TF: variants seen among roughly 807,000 people sequenced by gnomAD.
The protein encoded by TF is transferrin, also known as serotransferrin.
In TF, 55 loss-of-function variants were observed where a neutral mutation model predicts 82.4. That is an observed-to-expected ratio of 0.67 (90% CI 0.54 to 0.84). TF has a LOEUF of 0.84. Among genes scored for constraint, TF ranks in the 40% least tolerant of loss-of-function variants. The pLI, the probability that TF is intolerant of heterozygous loss-of-function variation, is 0.00. For missense variants in TF, 737 were observed against 868.4 expected (o/e 0.85, Z 1.90); for synonymous variants, 332 against 332.6 (o/e 1.00, Z 0.02).
chr3:133,696,131 T>C, the TF span, among the ~76,000 whole-genome samples: 107 of 152,234 alleles, frequency 7.0e-4, no homozygotes, highest in African/African-American at 2.3e-3. Context: ...ATTGTTATAA[T>C]TGTTCAATTT....
chr3:133,677,377 G>T, the TF span, among the ~76,000 whole-genome samples: 2 of 152,160 alleles, frequency 1.3e-5, no homozygotes, highest in Non-Finnish European at 2.9e-5. Context: ...GGTGGCTCAC[G>T]CCTGCAATCC....
the TF span, among the ~76,000 whole-genome samples, chr3:133,696,749 G>T: frequency 6.7e-6 from 1 of 149,900 alleles, no homozygotes; most frequent in East Asian, 1.9e-4. Flanking sequence ...ATTTAAATCT[G>T]TTTCAAAAGC....
At chr3:133,710,457 C>G in the TF span, among the ~76,000 whole-genome samples, 4 of 152,178 alleles carry the variant, frequency 2.6e-5, no homozygotes, top group East Asian at 1.9e-4. Flanking sequence ...CCACATTTCC[C>G]GGTGATTCTC....
chr3:133,748,236 C>A, intron 1 of TF, 176 bp from the exon 2 acceptor site: 2 of 840,000 alleles, frequency 2.4e-6, no homozygotes, highest in South Asian at 1.6e-5. Flanking sequence ...TTAGGGCAAC[C>A]TTCTATTGGC....
At chr3:133,670,524 G>A in the TF span, among the ~76,000 whole-genome samples, 10 of 152,226 alleles carry the variant, frequency 6.6e-5, no homozygotes, top group African/African-American at 1.7e-4. Flanking sequence ...ATCTAGGGTC[G>A]GGGGCACAGT....
At chr3:133,736,723 G>GAGT in the TF span, among the ~76,000 whole-genome samples, 1 of 144,630 alleles carries the variant, frequency 6.9e-6, no homozygotes, top group African/African-American at 2.6e-5. Flanking sequence ...AGACAAAGAA[G>GAGT]AGTATTACAT....
At chr3:133,689,317 C>A in the TF span, among the ~76,000 whole-genome samples, 1 of 151,952 alleles carries the variant, frequency 6.6e-6, no homozygotes, top group Middle Eastern at 3.2e-3. Context: ...GAGCGAGACT[C>A]TGCGTCAAAA....
intron 2 of TF, among the ~76,000 whole-genome samples, chr3:133,752,701 C>T (rs1045745268): frequency 5.9e-5 from 9 of 152,142 alleles, no homozygotes; most frequent in East Asian, 1.9e-4. Flanking sequence ...GAAATAAACC[C>T]GGAATGTCTG....
chr3:133,762,125 T>C (rs1287074538), intron 9 of TF: 2 of 215,316 alleles, frequency 9.3e-6, no homozygotes, highest in East Asian at 1.1e-4. Context: ...TGATCGATCA[T>C]AAAAAGGACC....
intron 2 of TF, among the ~76,000 whole-genome samples, chr3:133,752,681 G>A (rs1278608582): frequency 6.6e-6 from 1 of 152,200 alleles, no homozygotes; most frequent in Admixed American, 6.5e-5. Context: ...AAGTAACAGT[G>A]TAATGATAAG....
chr3:133,793,667 A>G lies in TF; in HGVS notation c.*15047A>G, dbSNP rs1435271865. Reference sequence around the variant, plus strand: ...CAGAAATAACCAAATTTCCTTGTCAATTGTGTTTTTAACTATAACTATTTA... The same window carrying G: ...CAGAAATAACCAAATTTCCTTGTCAGTTGTGTTTTTAACTATAACTATTTA... On this transcript the variant is annotated 3_prime_UTR_variant, in exon 17 of 17. Transcript: ENST00000402696. The G allele has an allele frequency of 6.6e-6, 1 of 152,098 alleles. No homozygotes were observed. Among genetic ancestry groups the G allele is most frequent in the Non-Finnish European group, 1.5e-5 (1 of 67,974 alleles). The allele number at this position is 152,098 out of a possible 1,614,324, so 9.4% of individuals were successfully genotyped here. A position where few individuals can be genotyped will look rare whatever the true frequency, so the allele number is the denominator to read the frequency against.
the TF span, among the ~76,000 whole-genome samples, chr3:133,693,272 T>A: frequency 6.6e-6 from 1 of 152,266 alleles, no homozygotes; most frequent in South Asian, 2.1e-4. Flanking sequence ...GACACACTAT[T>A]GGCACCCAGG....
Position 133,755,723 on chromosome 3 carries a change from T to C in TF, c.635+228T>C. The C allele has an allele frequency of 8.3e-6, 5 of 602,032 alleles. No individual in the cohort carries two copies. In the South Asian group the frequency reaches 9.6e-5, roughly 12 times the overall value. The allele number at this position is 602,032 out of a possible 1,614,324, so 37.3% of individuals were successfully genotyped here. A position where few individuals can be genotyped will look rare whatever the true frequency, so the allele number is the denominator to read the frequency against. ...GGTCCTTTTCCTGGGGACCCTTCCT[T>C]TCTCCCCAGAGCCCTCAAGCCTGGT... On this transcript the variant is annotated intron_variant, in intron 5 of 16. Coordinates refer to ENST00000402696, the MANE Select transcript of TF (RefSeq NM_001063.4).
intron 14 of TF, chr3:133,770,893 C>T (rs1298053396): frequency 2.4e-6 from 1 of 419,422 alleles, no homozygotes; most frequent in African/African-American, 2.0e-5. Context: ...GTATGATTAC[C>T]AAGATCAGGA....
In TF at chr3:133,772,180, A is replaced by G. The variant is rs188055509; in HGVS notation, c.1687+1608A>G. Among the ~76,000 whole-genome samples the G allele has an allele frequency of 2.0e-3, 306 of 152,354 alleles. 1 individual carries two copies. Among genetic ancestry groups the G allele is most frequent in the African/African-American group, 7.0e-3 (293 of 41,578 alleles). ...ATATTCCCAGAACCTAGTGTAGCAC[A>G]TAGTACACAGCAGTTGCTAAGAATT... On this transcript the variant is annotated intron_variant, in intron 14 of 16. Transcript: ENST00000402696.
chr3:133,705,618 C>T, the TF span, among the ~76,000 whole-genome samples: 1 of 152,118 alleles, frequency 6.6e-6, no homozygotes, highest in Non-Finnish European at 1.5e-5. Flanking sequence ...CCACTGATAC[C>T]CAATGATACC....
chr3:133,748,665 C>T (rs1376415907), intron 2 of TF, 81 bp downstream of exon 2: 4 of 1,537,456 alleles, frequency 2.6e-6, no homozygotes, highest in Non-Finnish European at 3.5e-6. Flanking sequence ...ATTCTTTACT[C>T]ACAGGTAGGA....
chr3:133,743,217 C>G (rs532063014), upstream of TF, among the ~76,000 whole-genome samples: 6 of 152,262 alleles, frequency 3.9e-5, no homozygotes, highest in Admixed American at 3.9e-4. Flanking sequence ...TGCATGGCTG[C>G]CCCAATGATC....
intron 13 of TF, among the ~76,000 whole-genome samples, chr3:133,769,150 C>G (rs962116567): frequency 1.4e-4 from 22 of 152,148 alleles, no homozygotes; most frequent in Non-Finnish European, 2.8e-4. Context: ...TTTGGTGGTT[C>G]ATGAATCCAT....
Sources: allele counts gnomAD v4.1 joint callset (sites outside exome capture counted in the v4.1 genomes callset), GRCh38; gene constraint gnomAD v4.1.1; transcripts MANE v1.5; gene names NCBI Gene and HGNC (gene_info 2026-07-23, HGNC 2026-07-21).